GKAP1: variants seen among roughly 807,000 people sequenced by gnomAD.
The protein encoded by GKAP1 is G kinase-anchoring protein 1.
GKAP1 carries 31 observed loss-of-function variants against 56.7 expected under a neutral mutation model. That is an observed-to-expected ratio of 0.55 (90% CI 0.41 to 0.74). GKAP1 has a LOEUF of 0.74. GKAP1 is among the 30% of genes least tolerant of loss of function. GKAP1 has a pLI of 0.00. For synonymous variants in GKAP1, 151 were observed against 138.6 expected (o/e 1.09, Z -0.63); for missense variants, 364 against 402.3 (o/e 0.90, Z 0.82).
At chr9:83,760,176 G>C (rs1480179047) in intron 8 of GKAP1, among the ~76,000 whole-genome samples, 6 of 152,212 alleles carry the variant, frequency 3.9e-5, no homozygotes, top group African/African-American at 1.4e-4. Context: ...ACGTAAAAGA[G>C]ATATTCCATG....
chr9:83,811,000 T>C (rs1383702616), intron 2 of GKAP1, among the ~76,000 whole-genome samples: 3 of 152,244 alleles, frequency 2.0e-5, no homozygotes, highest in Non-Finnish European at 4.4e-5. Flanking sequence ...TGGTAAGTAT[T>C]TGTATATCTA....
At chr9:83,769,097 G>T in intron 7 of GKAP1, 127 bp from the exon 8 acceptor site, 2 of 607,942 alleles carry the variant, frequency 3.3e-6, no homozygotes, top group Non-Finnish European at 5.4e-6. Context: ...GATAAAAAAA[G>T]AAAGAAAAAT....
chr9:83,800,951 G>C (rs1447166937), intron 3 of GKAP1, among the ~76,000 whole-genome samples: 3 of 152,204 alleles, frequency 2.0e-5, no homozygotes, highest in Non-Finnish European at 4.4e-5. Flanking sequence ...TTGCACATTT[G>C]AAGTGTTCAA....
At chr9:83,782,409 AGTG>A (rs1943989924) in intron 6 of GKAP1, among the ~76,000 whole-genome samples, 1 of 147,988 alleles carries the variant, frequency 6.8e-6, no homozygotes, top group African/African-American at 2.5e-5. Flanking sequence ...CCCAGGCTGG[AGTG>A]CAATGGCGCA....
chr9:83,746,043 G>A lies in GKAP1; in HGVS notation c.904+2266C>T, dbSNP rs575940664. 5.9e-5 allele frequency among the ~76,000 whole-genome samples: 9 copies of A among 151,932 alleles called. No homozygotes were observed. The South Asian group carries it at 1.9e-3, about 32-fold the overall frequency. On this transcript the variant is annotated intron_variant, in intron 10 of 12. Coordinates refer to ENST00000376371, the MANE Select transcript of GKAP1 (RefSeq NM_025211.4). ...TAACCTCAAGTGATCCACCTGCCTCGGCCTCCCAAAGTGCTGGGATTATAG... is the reference window on the plus strand; with the variant it reads ...TAACCTCAAGTGATCCACCTGCCTCAGCCTCCCAAAGTGCTGGGATTATAG...
rs1943710219 is a variant in GKAP1, at chr9:83,768,926, G to A, written c.630C>T (p.Phe210=). The A allele has an allele frequency of 3.1e-6, 5 of 1,610,726 alleles. No individual in the cohort carries two copies. Among genetic ancestry groups the A allele is most frequent in the Non-Finnish European group, 4.2e-6 (5 of 1,178,548 alleles). Residue 210 remains phenylalanine, a synonymous_variant, in exon 8 of 13, where the codon TTC becomes TTT. Coordinates refer to ENST00000376371, the MANE Select transcript of GKAP1 (RefSeq NM_025211.4). ...SQTLSHDGGF[F]NRLEDDVHKI... is the part of the protein sequence containing the mutation. Reference sequence around the variant, plus strand: ...TATGAACATCATCTTCCAGTCTATTGAAGAATCCTCCATCATGTGATAAAG... The same window carrying A: ...TATGAACATCATCTTCCAGTCTATTAAAGAATCCTCCATCATGTGATAAAG...
At chr9:83,773,002 T>C (rs866480685) in intron 7 of GKAP1, among the ~76,000 whole-genome samples, 1 of 152,188 alleles carries the variant, frequency 6.6e-6, no homozygotes, top group Non-Finnish European at 1.5e-5. Context: ...GGTAGTCATT[T>C]TGAAAAACAA....
chr9:83,749,024 A>AC (rs1363153128), intron 9 of GKAP1: 1 of 152,118 alleles, frequency 6.6e-6, no homozygotes, highest in Non-Finnish European at 1.5e-5. Context: ...TTAGTACTTT[A>AC]CCCAAATATC....
chr9:83,806,389 T>C lies in GKAP1; in HGVS notation c.129A>G (p.Gln43=). 1 of 1,598,368 alleles carries C rather than the reference T, an allele frequency of 6.3e-7. No homozygotes were observed. Among genetic ancestry groups the C allele is most frequent in the East Asian group, 2.3e-5 (1 of 44,234 alleles). The change falls in exon 3 of 13, where the codon CAA becomes CAG. Residue 43 remains glutamine (Q), a synonymous_variant. Transcript: ENST00000376371. ...KGKGRNTGKS[Q]TLGSKSTTNE... ...TTGTAGTTGACTTGCTTCCTAAAGTTTGAGACTTTCCAGTATTTCGACCTT... is the reference window on the plus strand; with the variant it reads ...TTGTAGTTGACTTGCTTCCTAAAGTCTGAGACTTTCCAGTATTTCGACCTT...
chr9:83,795,588 C>CTTTTT lies in GKAP1; in HGVS notation c.360+3592_360+3596dup, dbSNP rs58291258. On this transcript the variant is annotated intron_variant, in intron 4 of 12. Transcript: ENST00000376371. ...CAGTTATGGTTATGTCTGAGAGTGT[C>CTTTTT]TTTTTTTTTTTTTTTTTTTTTGAGA... Among the ~76,000 whole-genome samples, 444 of 108,888 alleles carry CTTTTT rather than the reference C, an allele frequency of 4.1e-3. 8 individuals carry two copies. The highest frequency in any genetic ancestry group is 5.1e-3 in the Non-Finnish European group (292 of 56,784). The allele number at this position is 108,888 out of a possible 152,430, so 71.4% of individuals were successfully genotyped here. A position where few individuals can be genotyped will look rare whatever the true frequency, so the allele number is the denominator to read the frequency against.
intron 3 of GKAP1, among the ~76,000 whole-genome samples, chr9:83,799,698 A>C (rs77146144): frequency 6.6e-6 from 1 of 152,182 alleles, no homozygotes; most frequent in African/African-American, 2.4e-5. Context: ...TCACCCCTCT[A>C]ATCTTAGCCC....
At chr9:83,751,651 G>A (rs1004506683) in intron 9 of GKAP1, among the ~76,000 whole-genome samples, 10 of 151,546 alleles carry the variant, frequency 6.6e-5, no homozygotes, top group South Asian at 2.1e-4. Context: ...TACACAGGGC[G>A]CAAAAAGTAT....
chr9:83,783,303 G>A (rs1278099775), intron 6 of GKAP1, among the ~76,000 whole-genome samples: 2 of 152,128 alleles, frequency 1.3e-5, no homozygotes, highest in Non-Finnish European at 2.9e-5. Flanking sequence ...TAGACACAGC[G>A]CTGTTCAATA....
intron 10 of GKAP1, among the ~76,000 whole-genome samples, chr9:83,745,317 C>T (rs577474563): frequency 6.6e-6 from 1 of 152,326 alleles, no homozygotes; most frequent in East Asian, 1.9e-4. Context: ...CAGGTGTGAG[C>T]CACTGTGCCT....
intron 3 of GKAP1, among the ~76,000 whole-genome samples, chr9:83,803,043 A>C (rs1213640352): frequency 6.6e-6 from 1 of 152,000 alleles, no homozygotes. Flanking sequence ...TGGGAGGCAG[A>C]GGTTGTAGTG....
chr9:83,802,904 G>A (rs1010402721), intron 3 of GKAP1, among the ~76,000 whole-genome samples: 1 of 151,896 alleles, frequency 6.6e-6, no homozygotes, highest in African/African-American at 2.4e-5. Flanking sequence ...GGCCAAGGTG[G>A]GGTGGATCAC....
chr9:83,753,078 C>CA (rs1302554840), intron 9 of GKAP1, among the ~76,000 whole-genome samples, 180 bp downstream of exon 9: 1 of 96,762 alleles, frequency 1.0e-5, no homozygotes, highest in Admixed American at 1.4e-4. Flanking sequence ...ACAACAACAA[C>CA]AACATAAATA....
intron 8 of GKAP1, among the ~76,000 whole-genome samples, chr9:83,765,181 G>A (rs1015239048): frequency 2.0e-5 from 3 of 152,224 alleles, no homozygotes; most frequent in Non-Finnish European, 4.4e-5. Context: ...ATGGGGCCAA[G>A]GTACAGCTCA....
rs1177553703 is a variant in GKAP1, at chr9:83,784,815, A to C, written c.462T>G (p.Thr154=). ...HKKEYEDAEN[T]STQSKVMNKK... The stretch of plus-strand genomic sequence containing the variant: ...TATTCATAACTTTGGACTGAGTTGA[A>C]GTATTTTCAGCATCTTCATACTCCT... The change falls in exon 6 of 13, where the codon ACT becomes ACG. Residue 154 remains threonine, a synonymous_variant. Coordinates refer to ENST00000376371, the MANE Select transcript of GKAP1 (RefSeq NM_025211.4). 2 of 1,589,136 alleles carry C rather than the reference A, an allele frequency of 1.3e-6. No individual in the cohort carries two copies. The highest frequency in any genetic ancestry group is 3.5e-5 in the Admixed American group (2 of 56,662).
Sources: gnomAD v4.1 joint callset for allele counts (sites outside exome capture counted in the v4.1 genomes callset) on GRCh38, gnomAD v4.1.1 for gene constraint, MANE v1.5 for transcripts, NCBI Gene and HGNC (gene_info 2026-07-23, HGNC 2026-07-21) for gene names.